Variants in TTC31 observed in about 807,000 individuals in gnomAD.
TTC31 encodes tetratricopeptide repeat protein 31.
Under a neutral mutation model 60.4 loss-of-function variants are expected in TTC31, and 59 were observed. That is an observed-to-expected ratio of 0.98 (90% confidence interval 0.79 to 1.21). The LOEUF (loss-of-function observed/expected upper bound fraction) is 1.21, where lower values mean the gene tolerates loss of function less well. TTC31 is among the 50% of genes most tolerant of loss of function. The pLI is 0.00. For missense variants in TTC31, 672 were observed against 646.9 expected (o/e 1.04, Z -0.42); for synonymous variants, 225 against 249.6 (o/e 0.90, Z 0.93).
chr2:74,492,277 C>A (rs751023212), intron 10 of TTC31, 27 bp from the exon 11 acceptor site: 1 of 1,608,916 alleles, frequency 6.2e-7, no homozygotes, highest in Non-Finnish European at 8.5e-7. Context: ...AGGACTCAGA[C>A]CTTTGGCCAC....
chr2:74,489,597 A>G (rs570918686), intron 2 of TTC31, among the ~76,000 whole-genome samples: 1 of 152,300 alleles, frequency 6.6e-6, no homozygotes, highest in South Asian at 2.1e-4. Flanking sequence ...AGGAGCGGCC[A>G]GCCAGGAGCT....
Position 74,493,432 on chromosome 2 carries a change from T to C in TTC31, c.*214T>C, listed in dbSNP as rs1674171298. 2 of 554,744 alleles carry C rather than the reference T, an allele frequency of 3.6e-6. No individual in the cohort carries two copies. Among genetic ancestry groups the C allele is most frequent in the African/African-American group, 3.8e-5 (2 of 52,824 alleles). 34.4% of individuals were successfully genotyped at this position (554,744 alleles called of 1,614,324 possible). On this transcript the variant is annotated 3_prime_UTR_variant, in exon 13 of 13. Transcript: ENST00000233623. ...CATCCTTTGGTTCTCAAGCTTCTTCTGGAGGCAGTAAGGAAAAATAAAACC... is the reference window on the plus strand; with the variant it reads ...CATCCTTTGGTTCTCAAGCTTCTTCCGGAGGCAGTAAGGAAAAATAAAACC...
Position 74,489,948 on chromosome 2 carries a change from T to G in TTC31, c.130-77T>G. The G allele has an allele frequency of 4.8e-6, 5 of 1,048,612 alleles. No individual in the cohort carries two copies. In the South Asian group the frequency reaches 7.0e-5, roughly 15 times the overall value. 65.0% of individuals were successfully genotyped at this position (1,048,612 alleles called of 1,614,324 possible). Reference sequence around the variant, plus strand: ...GTTGGTGGCTGCCATGGTGGAGAGATCAAGCCAGCGAAGCCCTTGCTCTCT... The same window carrying G: ...GTTGGTGGCTGCCATGGTGGAGAGAGCAAGCCAGCGAAGCCCTTGCTCTCT... On this transcript the variant is annotated intron_variant, in intron 2 of 12. Coordinates refer to ENST00000233623, the MANE Select transcript of TTC31 (RefSeq NM_022492.6).
intron 2 of TTC31, among the ~76,000 whole-genome samples, chr2:74,488,808 C>A (rs1014887842): frequency 6.6e-6 from 1 of 152,132 alleles, no homozygotes; most frequent in African/African-American, 2.4e-5. Flanking sequence ...CTCACACCTG[C>A]AATCCCAGCA....
chr2:74,491,833 C>T, intron 8 of TTC31, 161 bp downstream of exon 8: 1 of 1,386,822 alleles, frequency 7.2e-7, no homozygotes, highest in South Asian at 1.3e-5. Context: ...TCACCATGAC[C>T]CCGGGTGGTT....
intron 2 of TTC31, among the ~76,000 whole-genome samples, chr2:74,485,208 G>A (rs1443010164): frequency 1.3e-5 from 2 of 151,630 alleles, no homozygotes; most frequent in African/African-American, 4.8e-5. Context: ...TGTATTTTTA[G>A]TAGAGAGGGG....
intron 2 of TTC31, chr2:74,483,622 G>A (rs1672714898): frequency 3.5e-6 from 5 of 1,418,678 alleles, no homozygotes; most frequent in Non-Finnish European, 4.6e-6. Flanking sequence ...CTCGAAGTGG[G>A]TAGAATTGAG....
intron 4 of TTC31, 30 bp downstream of exon 4, chr2:74,490,503 C>T: frequency 6.4e-7 from 1 of 1,565,762 alleles, no homozygotes; most frequent in South Asian, 1.2e-5. Flanking sequence ...GCTTTGCCGT[C>T]CCCCAGGGTT....
Position 74,483,363 on chromosome 2 carries a change from G to A in TTC31, c.82G>A (p.Ala28Thr). The change falls in exon 2 of 13, where the codon GCA (alanine) becomes ACA (threonine). Residue 28 changes from alanine to threonine, a missense_variant. Coordinates refer to ENST00000233623, the MANE Select transcript of TTC31 (RefSeq NM_022492.6). ...CAGCTGCCCACTGGAGGTCGCTGCT[G>A]CACCCAAACTTTGCAAGGAATTCGG... ...RPSCPLEVAA[A>T]PKLCKEFGPE... 6.2e-7 allele frequency: 1 copy of A among 1,614,198 alleles called. No individual in the cohort carries two copies.
At chr2:74,489,325 A>C (rs1321126634) in intron 2 of TTC31, among the ~76,000 whole-genome samples, 1 of 152,138 alleles carries the variant, frequency 6.6e-6, no homozygotes, top group Admixed American at 6.5e-5. Flanking sequence ...AAGAGTTAGG[A>C]GGGATTGGAG....
At chr2:74,491,037 A>G in intron 5 of TTC31, 91 bp from the exon 6 acceptor site, 3 of 1,530,136 alleles carry the variant, frequency 2.0e-6, no homozygotes, top group South Asian at 1.1e-5. Context: ...CCTGTCTCAT[A>G]GAGCTGCAAA....
At position 74,492,917 on chromosome 2, in the gene TTC31, C is replaced by T. The variant is rs1172229133; in HGVS notation, c.1264-5C>T. Reference sequence around the variant, plus strand: ...GATCTGGTGCCCTTCTCTCTCCCTTCTCAGCAGGGTCAGCGAGGAGGAATC... The same window carrying T: ...GATCTGGTGCCCTTCTCTCTCCCTTTTCAGCAGGGTCAGCGAGGAGGAATC... On this transcript the variant is annotated splice_region_variant and splice_polypyrimidine_tract_variant and intron_variant, in intron 12 of 12. Transcript: ENST00000233623. 6.3e-7 allele frequency: 1 copy of T among 1,597,940 alleles called. No individual in the cohort carries two copies. Among genetic ancestry groups the T allele is most frequent in the East Asian group, 2.2e-5 (1 of 44,566 alleles).
In TTC31 at chr2:74,494,087, C is replaced by T. The variant is rs990595328; in HGVS notation, c.*869C>T. On this transcript the variant is annotated 3_prime_UTR_variant, in exon 13 of 13. Transcript: ENST00000233623. The stretch of plus-strand genomic sequence containing the variant: ...TCCTTTTAATTTCACGTCTAAGATC[C>T]TGGCAGCTTCCCCTAGCTGGTTCCT... The T allele has an allele frequency of 6.6e-6, 1 of 152,188 alleles. No individual in the cohort carries two copies. Among genetic ancestry groups the T allele is most frequent in the African/African-American group, 2.4e-5 (1 of 41,436 alleles). The allele number at this position is 152,188 out of a possible 1,614,324, so 9.4% of individuals were successfully genotyped here.
chr2:74,490,868 G>A, intron 5 of TTC31, 129 bp downstream of exon 5: 1 of 1,029,494 alleles, frequency 9.7e-7, no homozygotes, highest in African/African-American at 1.6e-5. Context: ...GAGGACACAA[G>A]GGGCCCAGGG....
At chr2:74,483,157 G>C (rs749697429) in intron 1 of TTC31, 22 bp downstream of exon 1, 1 of 1,614,106 alleles carries the variant, frequency 6.2e-7, no homozygotes, top group African/African-American at 1.3e-5. Flanking sequence ...GACAAGACCA[G>C]TGGGGGTCTA....
At chr2:74,483,729 C>A (rs1036763256) in intron 2 of TTC31, 18 of 687,336 alleles carry the variant, frequency 2.6e-5, no homozygotes, top group African/African-American at 3.7e-5. Flanking sequence ...GTAATCTCAA[C>A]ACTTTGGGAG....
rs759804138 is a variant in TTC31 at position 74,490,288 on chromosome 2, C to G, written c.277C>G (p.Gln93Glu). The G allele has an allele frequency of 6.2e-6, 10 of 1,614,144 alleles. No homozygotes were observed. The highest frequency in any genetic ancestry group is 8.5e-6 in the Non-Finnish European group (10 of 1,179,986). The change falls in exon 4 of 13, where the codon CAG becomes GAG. Residue 93 changes from glutamine to glutamate, a missense_variant. Transcript: ENST00000233623. The stretch of plus-strand genomic sequence containing the variant: ...GGATGATGAAGGGAAATCAACTGGA[C>G]AGAGTGACAGGGGCAAGGGGGCTGA... Reference protein sequence around the residue: ...HLDDEGKSTGQSDRGKGAEGL... With the variant: ...HLDDEGKSTGESDRGKGAEGL...
At chr2:74,491,717 G>A in intron 8 of TTC31, 45 bp downstream of exon 8, 1 of 1,596,230 alleles carries the variant, frequency 6.3e-7, no homozygotes, top group Non-Finnish European at 8.6e-7. Context: ...CGTGGAAGGG[G>A]CACAAGGAGC....
At chr2:74,490,540 A>G in intron 4 of TTC31, 67 bp downstream of exon 4, 4 of 1,529,648 alleles carry the variant, frequency 2.6e-6, no homozygotes, top group African/African-American at 1.4e-5. Flanking sequence ...CCCCATCCCT[A>G]TATTCTCCCC....
Sources: allele counts gnomAD v4.1 joint callset (sites outside exome capture counted in the v4.1 genomes callset), GRCh38; gene constraint gnomAD v4.1.1; transcripts MANE v1.5; gene names NCBI Gene and HGNC (gene_info 2026-07-23, HGNC 2026-07-21).